Variants in GPR83 observed in about 807,000 individuals in gnomAD.
The protein encoded by GPR83 is G protein-coupled receptor 83.
In GPR83, 23 loss-of-function variants were observed where a neutral mutation model predicts 28.0. The ratio of observed to expected loss-of-function variants is 0.82; its 90% CI spans 0.59 to 1.16. The LOEUF is 1.16. GPR83 is among the 50% of genes most tolerant of loss of function. The pLI, the probability that GPR83 is intolerant of heterozygous loss-of-function variation, is 0.00. For missense variants in GPR83, 610 were observed against 536.6 expected (o/e 1.14, Z -1.35); for synonymous variants, 234 against 215.4 (o/e 1.09, Z -0.76).
intron 3 of GPR83, among the ~76,000 whole-genome samples, chr11:94,388,804 A>G (rs1452696248): frequency 6.6e-6 from 1 of 152,226 alleles, no homozygotes; most frequent in Non-Finnish European, 1.5e-5. Context: ...GACTTTCTTC[A>G]CAGAATTGGA....
intron 3 of GPR83, among the ~76,000 whole-genome samples, chr11:94,383,221 G>T (rs1164995243): frequency 6.6e-6 from 1 of 151,112 alleles, no homozygotes. Flanking sequence ...TGAACAACCA[G>T]CTACGAAATG....
intron 3 of GPR83, among the ~76,000 whole-genome samples, chr11:94,383,670 G>A (rs1483122374): frequency 1.3e-5 from 2 of 152,166 alleles, no homozygotes; most frequent in Non-Finnish European, 2.9e-5. Context: ...TGATCCCACA[G>A]AAATACAAAC....
intron 1 of GPR83, among the ~76,000 whole-genome samples, chr11:94,398,331 C>T (rs79512686): frequency 0.16 from 24,829 of 152,084 alleles, 2,343 homozygotes; most frequent in Non-Finnish European, 0.22. Flanking sequence ...TGGCCACCTC[C>T]GCTTCTCCCT....
At chr11:94,399,474 CTGGCCAGG>C (rs1944892799) in intron 1 of GPR83, among the ~76,000 whole-genome samples, 1 of 152,214 alleles carries the variant, frequency 6.6e-6, no homozygotes, top group African/African-American at 2.4e-5. Context: ...CTGCCAACTA[CTGGCCAGG>C]TGGCTTTGGA....
intron 2 of GPR83, among the ~76,000 whole-genome samples, chr11:94,395,739 G>C (rs1368745425): frequency 2.6e-5 from 4 of 152,196 alleles, no homozygotes; most frequent in Admixed American, 2.6e-4. Flanking sequence ...GGGCCACCAT[G>C]CTCCACTGCA....
intron 1 of GPR83, among the ~76,000 whole-genome samples, chr11:94,400,146 C>T (rs1194521489): frequency 6.6e-6 from 1 of 152,188 alleles, no homozygotes; most frequent in Non-Finnish European, 1.5e-5. Flanking sequence ...AGCAGTATCC[C>T]ATGGGTACGG....
At chr11:94,386,894 G>A (rs1944762719) in intron 3 of GPR83, among the ~76,000 whole-genome samples, 1 of 152,182 alleles carries the variant, frequency 6.6e-6, no homozygotes, top group Non-Finnish European at 1.5e-5. Flanking sequence ...GCACCACAGT[G>A]CACTTATTCC....
In GPR83 at chr11:94,393,613, G is replaced by C. The variant is rs202212504; in HGVS notation, c.519C>G (p.Ile173Met). 8.1e-6 allele frequency: 13 copies of C among 1,613,842 alleles called. No homozygotes were observed. The highest frequency in any genetic ancestry group is 8.5e-6 in the Non-Finnish European group (10 of 1,179,868). Residue 173 changes from isoleucine to methionine, a missense_variant, in exon 3 of 4, where the codon ATC (isoleucine) becomes ATG (methionine). Coordinates refer to ENST00000243673, the MANE Select transcript of GPR83 (RefSeq NM_016540.4). ...AGATCCGGGGTTTCAAGGGGTGCAT[G>C]ATGACCTGGAAAACAAGCAAACCAC... ...TAIAVDRHQV[I>M]MHPLKPRISI...
At chr11:94,382,337 C>G (rs1291882392) in intron 3 of GPR83, among the ~76,000 whole-genome samples, 1 of 88,564 alleles carries the variant, frequency 1.1e-5, no homozygotes, top group African/African-American at 4.9e-5. Flanking sequence ...GAGTGAAACA[C>G]CATCTCAAAA....
At chr11:94,396,150 G>A (rs544644312) in intron 2 of GPR83, among the ~76,000 whole-genome samples, 33 of 152,328 alleles carry the variant, frequency 2.2e-4, no homozygotes, top group African/African-American at 7.5e-4. Flanking sequence ...AACCCAGGAG[G>A]CGGAGGTTGC....
chr11:94,389,288 C>T (rs536920768), intron 3 of GPR83, among the ~76,000 whole-genome samples: 69 of 152,220 alleles, frequency 4.5e-4, no homozygotes, highest in African/African-American at 1.6e-3. Flanking sequence ...TCTAAAACAC[C>T]AAAAGCAACG....
At chr11:94,384,259 A>C (rs1944723973) in intron 3 of GPR83, among the ~76,000 whole-genome samples, 1 of 152,198 alleles carries the variant, frequency 6.6e-6, no homozygotes, top group Non-Finnish European at 1.5e-5. Context: ...TAGATGTAGA[A>C]AAGGCCTTCA....
At chr11:94,395,748 C>A (rs1277263146) in intron 2 of GPR83, among the ~76,000 whole-genome samples, 1 of 152,226 alleles carries the variant, frequency 6.6e-6, no homozygotes, top group Admixed American at 6.5e-5. Context: ...TGCTCCACTG[C>A]AATGCCTGCT....
At chr11:94,394,699 C>G (rs1340616684) in intron 2 of GPR83, among the ~76,000 whole-genome samples, 2 of 152,096 alleles carry the variant, frequency 1.3e-5, no homozygotes, top group Admixed American at 6.5e-5. Context: ...AAGCTGACAG[C>G]ACATCTCCCT....
At position 94,379,370 on chromosome 11, in the gene GPR83, C is replaced by CAAAAA. The variant is rs200200146; in HGVS notation, c.*774_*778dup. On this transcript the variant is annotated 3_prime_UTR_variant, in exon 4 of 4. Transcript: ENST00000243673. ...TGGGTGACAGAGCGAGATTCCATCT[C>CAAAAA]AAAAAAAAAAAAAAAAAGAAAAAAA... is the stretch of plus-strand genomic sequence containing the variant. 3 of 53,726 alleles carry CAAAAA rather than the reference C, an allele frequency of 5.6e-5. No individual in the cohort carries two copies. The highest frequency in any genetic ancestry group is 4.5e-4 in the East Asian group (1 of 2,224). The allele number at this position is 53,726 out of a possible 1,614,324, so 3.3% of individuals were successfully genotyped here. A position where few individuals can be genotyped will look rare whatever the true frequency, so the allele number is the denominator to read the frequency against.
At chr11:94,395,942 G>A (rs542411479) in intron 2 of GPR83, among the ~76,000 whole-genome samples, 11 of 152,356 alleles carry the variant, frequency 7.2e-5, no homozygotes, top group African/African-American at 1.9e-4. Context: ...AGCAATGGCC[G>A]GGCATGGTGG....
At chr11:94,390,284 C>T (rs2134691010) in intron 3 of GPR83, among the ~76,000 whole-genome samples, 2 of 151,450 alleles carry the variant, frequency 1.3e-5, no homozygotes, top group South Asian at 4.2e-4. Context: ...CAAACCTGCA[C>T]ATTGTGCACA....
intron 1 of GPR83, among the ~76,000 whole-genome samples, chr11:94,398,704 C>T (rs1944887257): frequency 6.6e-6 from 1 of 152,160 alleles, no homozygotes; most frequent in South Asian, 2.1e-4. Flanking sequence ...ATTAAGTGGA[C>T]AGGAAGGGAG....
intron 2 of GPR83, among the ~76,000 whole-genome samples, chr11:94,395,953 C>T (rs1419324434): frequency 6.6e-6 from 1 of 152,252 alleles, no homozygotes; most frequent in Non-Finnish European, 1.5e-5. Context: ...GGCATGGTGG[C>T]TCACGTCTGT....
Sources: allele counts gnomAD v4.1 joint callset (sites outside exome capture counted in the v4.1 genomes callset), GRCh38; gene constraint gnomAD v4.1.1; transcripts MANE v1.5; gene names NCBI Gene and HGNC (gene_info 2026-07-23, HGNC 2026-07-21).